The following FARP2 variants were observed in gnomAD, a reference collection of about 807,000 sequenced individuals.
The protein encoded by FARP2 is FERM, ARHGEF and pleckstrin domain-containing protein 2.
FARP2 carries 111 observed loss-of-function variants against 130.5 expected under a neutral mutation model. The observed-to-expected ratio is 0.85, with a 90% CI of 0.73 to 1.00. The LOEUF (loss-of-function observed/expected upper bound fraction) is 1.00. Ranked by LOEUF, FARP2 falls within the 50% of genes least tolerant of loss-of-function variation. The pLI is 0.00. For synonymous variants in FARP2, 504 were observed against 516.9 expected (o/e 0.98, Z 0.34); for missense variants, 1,385 against 1,346.3 (o/e 1.03, Z -0.45).
rs752462904 is a variant in FARP2 at position 241,491,105 on chromosome 2, C to T, written c.2549C>T (p.Ala850Val). Residue 850 changes from alanine to valine, a missense_variant, in exon 23 of 27, where the codon GCG becomes GTG. Transcript: ENST00000264042. Reference protein sequence around the residue: ...KEKWMLDLNSAIQAAKSGGDT... With the variant: ...KEKWMLDLNSVIQAAKSGGDT... Reference sequence around the variant, plus strand: ...AAGTGGATGCTGGACCTGAACTCCGCGATCCAAGCAGCCAAGAGTGGCGGT... The same window carrying T: ...AAGTGGATGCTGGACCTGAACTCCGTGATCCAAGCAGCCAAGAGTGGCGGT... 5.0e-6 allele frequency: 8 copies of T among 1,613,512 alleles called. No homozygotes were observed. Among genetic ancestry groups the T allele is most frequent in the East Asian group, 4.5e-5 (2 of 44,876 alleles).
chr2:241,450,917 A>C (rs1024900270), intron 13 of FARP2, among the ~76,000 whole-genome samples: 3 of 152,208 alleles, frequency 2.0e-5, no homozygotes, highest in Non-Finnish European at 2.9e-5. Context: ...GCGCCACTGC[A>C]CTCCAGCCTG....
At chr2:241,366,849 G>A (rs1046663965) in intron 1 of FARP2, among the ~76,000 whole-genome samples, 1 of 152,056 alleles carries the variant, frequency 6.6e-6, no homozygotes, top group Non-Finnish European at 1.5e-5. Flanking sequence ...GTGGTGCCGT[G>A]ACTCAGTTTG....
At chr2:241,408,546 A>C (rs1375999056) in intron 5 of FARP2, among the ~76,000 whole-genome samples, 1 of 151,866 alleles carries the variant, frequency 6.6e-6, no homozygotes, top group African/African-American at 2.4e-5. Flanking sequence ...TGTCTCAAAA[A>C]AAAAAAAAAA....
intron 21 of FARP2, among the ~76,000 whole-genome samples, chr2:241,487,746 CTTTTTTTTT>C (rs1167750549): frequency 4.1e-5 from 3 of 73,232 alleles, no homozygotes; most frequent in South Asian, 6.0e-4. Context: ...CTAGCCTACT[CTTTTTTTTT>C]TTTTTTTTTT....
chr2:241,453,571 G>T (rs923447228), intron 13 of FARP2, among the ~76,000 whole-genome samples: 2 of 151,426 alleles, frequency 1.3e-5, no homozygotes, highest in South Asian at 2.1e-4. Flanking sequence ...GCAGTGAGCC[G>T]AGATCGTGTC....
intron 14 of FARP2, among the ~76,000 whole-genome samples, chr2:241,460,287 A>C (rs1410720671): frequency 6.6e-6 from 1 of 151,958 alleles, no homozygotes; most frequent in East Asian, 1.9e-4. Context: ...TGGAGAAATG[A>C]CTTCTTTTTT....
chr2:241,370,700 G>A (rs377210934), intron 1 of FARP2, among the ~76,000 whole-genome samples: 61 of 152,234 alleles, frequency 4.0e-4, no homozygotes, highest in African/African-American at 1.3e-3. Flanking sequence ...TTGCAAAAAC[G>A]GTAATTTTGT....
At chr2:241,407,308 C>T (rs111495192) in intron 4 of FARP2, among the ~76,000 whole-genome samples, 58 of 152,190 alleles carry the variant, frequency 3.8e-4, no homozygotes, top group African/African-American at 1.3e-3. Flanking sequence ...CACACTGCAA[C>T]CTCAGACTGC....
chr2:241,437,673 T>TA (rs79917380), intron 12 of FARP2, among the ~76,000 whole-genome samples: 21,139 of 141,008 alleles, frequency 0.15, 1,875 homozygotes, highest in East Asian at 0.34. Flanking sequence ...TTTATTTATT[T>TA]TTTTTTTTTG....
chr2:241,357,991 A>G (rs1002366290), intron 1 of FARP2, among the ~76,000 whole-genome samples: 14 of 152,204 alleles, frequency 9.2e-5, no homozygotes, highest in Admixed American at 8.5e-4. Context: ...GGGGTTCCAG[A>G]CCAGCCTGCT....
At chr2:241,379,865 C>A (rs1273628509) in intron 2 of FARP2, among the ~76,000 whole-genome samples, 1 of 152,140 alleles carries the variant, frequency 6.6e-6, no homozygotes, top group Non-Finnish European at 1.5e-5. Context: ...CTTTTAAAAC[C>A]TGTTATTTTG....
At chr2:241,463,249 G>T in intron 15 of FARP2, 86 bp from the exon 16 acceptor site, 1 of 1,463,370 alleles carries the variant, frequency 6.8e-7, no homozygotes. Flanking sequence ...ATCACTGGGT[G>T]ACCTATGGCT....
At chr2:241,390,290 G>A (rs1038624805) in intron 2 of FARP2, among the ~76,000 whole-genome samples, 3 of 152,096 alleles carry the variant, frequency 2.0e-5, no homozygotes, top group South Asian at 4.1e-4. Context: ...GATTTTGAAC[G>A]AGTCCAGCAA....
At position 241,459,756 on chromosome 2, in the gene FARP2, G is replaced by A. The variant is rs923479096; in HGVS notation, c.1588-2767G>A. 6.6e-6 allele frequency among the ~76,000 whole-genome samples: 1 copy of A among 151,254 alleles called. No homozygotes were observed. Among genetic ancestry groups the A allele is most frequent in the Non-Finnish European group, 1.5e-5 (1 of 67,918 alleles). On this transcript the variant is annotated intron_variant, in intron 14 of 26. Transcript: ENST00000264042. This position sits in a 1 kb window ranked among gnomAD's most constrained non-coding sequence, Gnocchi z 5.3. Reference sequence around the variant, plus strand: ...ACATTGATCTAGAGGTGGGGGCAGCGTGGCAGCTGCTGTATTTTCTGTCCC... The same window carrying A: ...ACATTGATCTAGAGGTGGGGGCAGCATGGCAGCTGCTGTATTTTCTGTCCC...
Position 241,491,101 on chromosome 2 carries a change from T to G in FARP2, c.2545T>G (p.Ser849Ala). The change falls in exon 23 of 27, where the codon TCC (serine) becomes GCC (alanine). Residue 849 changes from serine to alanine, a missense_variant. Coordinates refer to ENST00000264042, the MANE Select transcript of FARP2 (RefSeq NM_014808.4). ...AGAGAAGTGGATGCTGGACCTGAAC[T>G]CCGCGATCCAAGCAGCCAAGAGTGG... The part of the protein sequence containing the change: ...EKEKWMLDLN[S>A]AIQAAKSGGD... The G allele has an allele frequency of 3.7e-6, 6 of 1,613,356 alleles. No individual in the cohort carries two copies. Among genetic ancestry groups the G allele is most frequent in the Non-Finnish European group, 5.1e-6 (6 of 1,179,956 alleles).
intron 13 of FARP2, among the ~76,000 whole-genome samples, chr2:241,450,334 G>A (rs1183318438): frequency 6.6e-6 from 1 of 152,230 alleles, no homozygotes; most frequent in East Asian, 1.9e-4. Context: ...CTCCACTCCA[G>A]CCTGGGCAAC....
chr2:241,421,193 A>T (rs1198532452), intron 8 of FARP2, among the ~76,000 whole-genome samples: 2 of 152,156 alleles, frequency 1.3e-5, no homozygotes, highest in African/African-American at 2.4e-5. Flanking sequence ...TCTCCTCATG[A>T]GCCCATGCCA....
At chr2:241,491,357 G>A (rs922786394) in intron 23 of FARP2, among the ~76,000 whole-genome samples, 159 bp from the exon 24 acceptor site, 3 of 152,198 alleles carry the variant, frequency 2.0e-5, no homozygotes, top group Non-Finnish European at 4.4e-5. Context: ...CAGCTGCTCT[G>A]GCAGAAGCAC....
chr2:241,426,269 A>G (rs1452724828), intron 8 of FARP2, among the ~76,000 whole-genome samples: 2 of 152,158 alleles, frequency 1.3e-5, no homozygotes, highest in African/African-American at 4.8e-5. Context: ...TTAACTAGGG[A>G]TAGGTACATG....
Sources: gnomAD v4.1 joint callset for allele counts (sites outside exome capture counted in the v4.1 genomes callset) on GRCh38, gnomAD v4.1.1 for gene constraint, Gnocchi (gnomAD v3.1) non-coding constraint, MANE v1.5 for transcripts, NCBI Gene and HGNC (gene_info 2026-07-23, HGNC 2026-07-21) for gene names.